The following TRIM2 variants were observed in gnomAD, a reference collection of about 807,000 sequenced individuals.
The protein encoded by TRIM2 is tripartite motif containing 2.
In TRIM2, 20 loss-of-function variants were observed where a neutral mutation model predicts 75.2. The ratio of observed to expected loss-of-function variants is 0.27; its 90% CI spans 0.19 to 0.39. The LOEUF is 0.39. TRIM2 is among the 10% of genes least tolerant of loss of function. TRIM2 has a pLI of 1.00. For missense variants in TRIM2, 660 were observed against 990.8 expected, an observed-to-expected ratio of 0.67 and a Z score of 4.48; for synonymous variants, 373 against 388.3, an observed-to-expected ratio of 0.96 and a Z score of 0.46.
At chr4:153,287,596 A>AT (rs758060956) in intron 3 of TRIM2, among the ~76,000 whole-genome samples, 3 of 151,080 alleles carry the variant, frequency 2.0e-5, no homozygotes, top group Non-Finnish European at 3.0e-5. Context: ...ACATATTTTT[A>AT]TTTTTCTTTA....
At chr4:153,198,241 C>T (rs1314133167) in intron 1 of TRIM2, among the ~76,000 whole-genome samples, 2 of 152,046 alleles carry the variant, frequency 1.3e-5, no homozygotes, top group East Asian at 3.9e-4. Flanking sequence ...TGGCTGTGAC[C>T]CCACCCAAAT....
chr4:153,247,165 A>AAAG (rs965353637), intron 1 of TRIM2, among the ~76,000 whole-genome samples: 4 of 152,214 alleles, frequency 2.6e-5, no homozygotes, highest in Non-Finnish European at 5.9e-5. Context: ...GACCAGCACA[A>AAAG]AAGTCCAGGT....
intron 1 of TRIM2, among the ~76,000 whole-genome samples, chr4:153,205,960 G>C (rs188633773): frequency 4.6e-4 from 70 of 152,332 alleles, no homozygotes; most frequent in Middle Eastern, 3.4e-3. Flanking sequence ...AGGAGGTCCT[G>C]ACAAGGAATG....
chr4:153,219,458 A>T (rs950077283), intron 1 of TRIM2, among the ~76,000 whole-genome samples: 1 of 152,184 alleles, frequency 6.6e-6, no homozygotes, highest in African/African-American at 2.4e-5. Flanking sequence ...CCACCTTTTC[A>T]TTCCTAAATT....
chr4:153,302,637 A>G (rs557661663), intron 6 of TRIM2, among the ~76,000 whole-genome samples: 1 of 152,364 alleles, frequency 6.6e-6, no homozygotes, highest in African/African-American at 2.4e-5. Context: ...CATCCCATAT[A>G]GTGTGAAAAG....
intron 1 of TRIM2, among the ~76,000 whole-genome samples, chr4:153,266,401 G>A (rs1238852802): frequency 1.4e-5 from 2 of 146,406 alleles, no homozygotes; most frequent in African/African-American, 5.1e-5. Context: ...GGAGTGCAGT[G>A]GCGTGATCTC....
chr4:153,283,284 C>T (rs373172787), intron 3 of TRIM2, among the ~76,000 whole-genome samples: 10 of 152,278 alleles, frequency 6.6e-5, no homozygotes, highest in African/African-American at 1.4e-4. Context: ...TTGCCACTTA[C>T]GGACATTTGA....
intron 2 of TRIM2, among the ~76,000 whole-genome samples, chr4:153,271,196 AT>A (rs1252469550): frequency 6.6e-6 from 1 of 152,154 alleles, no homozygotes; most frequent in East Asian, 1.9e-4. Flanking sequence ...TTTGTTAGTA[AT>A]TAGTTTATCT....
At chr4:153,244,527 C>CTGAGATT (rs139366576) in intron 1 of TRIM2, among the ~76,000 whole-genome samples, 19,077 of 149,210 alleles carry the variant, frequency 0.13, 1,596 homozygotes, top group Non-Finnish European at 0.18. Flanking sequence ...TCCAAAGTAG[C>CTGAGATT]TGAGATTACT....
intron 1 of TRIM2, among the ~76,000 whole-genome samples, chr4:153,154,053 G>A (rs553090178): frequency 8.0e-4 from 122 of 152,218 alleles, no homozygotes; most frequent in Non-Finnish European, 1.5e-3. Flanking sequence ...TCCAGACAAG[G>A]TTTTAATTTT....
chr4:153,211,662 A>G (rs557974158), intron 1 of TRIM2, among the ~76,000 whole-genome samples: 4 of 150,248 alleles, frequency 2.7e-5, no homozygotes, highest in Non-Finnish European at 4.4e-5. Context: ...ATTATTTTTT[A>G]TTTTTTTGTA....
rs1772436287 is a variant in TRIM2, at chr4:153,336,286, T to G, written c.*1320T>G. 3.0e-6 allele frequency: 3 copies of G among 985,376 alleles called. No homozygotes were observed. Among genetic ancestry groups the G allele is most frequent in the Non-Finnish European group, 3.6e-6 (3 of 829,882 alleles). 61.0% of individuals were successfully genotyped at this position (985,376 alleles called of 1,614,324 possible). A position where few individuals can be genotyped will look rare whatever the true frequency, so the allele number is the denominator to read the frequency against. ...AGCAAGCCCTAAAGCAGATTTAATT[T>G]TTGCCATTTTCCAAGAATGACGGTG... On this transcript the variant is annotated 3_prime_UTR_variant, in exon 12 of 12. Coordinates refer to ENST00000338700, the MANE Select transcript of TRIM2 (RefSeq NM_015271.5).
At chr4:153,182,381 T>A (rs1325343120) in intron 1 of TRIM2, among the ~76,000 whole-genome samples, 1 of 152,126 alleles carries the variant, frequency 6.6e-6, no homozygotes, top group African/African-American at 2.4e-5. Flanking sequence ...GAGAGGTGTG[T>A]GGTGTCTCAG....
intron 1 of TRIM2, among the ~76,000 whole-genome samples, chr4:153,169,490 T>C (rs1239580086): frequency 1.3e-5 from 2 of 152,262 alleles, no homozygotes; most frequent in African/African-American, 4.8e-5. Flanking sequence ...TACCTTGGTA[T>C]GTGACTTTTG....
chr4:153,245,954 C>A lies in TRIM2; in HGVS notation c.31-24381C>A, dbSNP rs763952791. On this transcript the variant is annotated intron_variant, in intron 1 of 11. Transcript: ENST00000338700. The stretch of plus-strand genomic sequence containing the variant: ...TCAGCCTCTGAAAGTGCTGGGATTA[C>A]AGGCATGAGGCACCACACCCAGCCC... 4.6e-5 allele frequency among the ~76,000 whole-genome samples: 7 copies of A among 152,216 alleles called. No homozygotes were observed. In the South Asian group the frequency reaches 1.4e-3, roughly 32 times the overall value.
intron 6 of TRIM2, among the ~76,000 whole-genome samples, chr4:153,308,938 C>A (rs1765630803): frequency 6.6e-6 from 1 of 152,092 alleles, no homozygotes; most frequent in Admixed American, 6.6e-5. Flanking sequence ...CATTATAGGA[C>A]CTTCACCCCA....
intron 6 of TRIM2, among the ~76,000 whole-genome samples, chr4:153,314,042 T>G (rs1766991672): frequency 6.6e-6 from 1 of 152,230 alleles, no homozygotes; most frequent in South Asian, 2.1e-4. Flanking sequence ...CAAAATTCAT[T>G]GTTTCCATTC....
intron 11 of TRIM2, among the ~76,000 whole-genome samples, chr4:153,333,904 G>A (rs1344398274): frequency 2.6e-5 from 4 of 152,150 alleles, no homozygotes; most frequent in Non-Finnish European, 4.4e-5. Context: ...TTGAGAATCT[G>A]AAGATTTTGG....
intron 1 of TRIM2, among the ~76,000 whole-genome samples, chr4:153,208,737 T>A (rs1353960929): frequency 2.0e-5 from 3 of 152,160 alleles, no homozygotes; most frequent in South Asian, 2.1e-4. Flanking sequence ...TAGACTGCCC[T>A]CCATAGTGCT....
Sources: allele counts gnomAD v4.1 joint callset (sites outside exome capture counted in the v4.1 genomes callset), GRCh38; gene constraint gnomAD v4.1.1; transcripts MANE v1.5; gene names NCBI Gene and HGNC (gene_info 2026-07-23, HGNC 2026-07-21).